The following TBC1D32 variants were observed in gnomAD, a reference collection of about 807,000 sequenced individuals.
TBC1D32 encodes the protein protein broad-minded.
Under a neutral mutation model 170.3 loss-of-function variants are expected in TBC1D32, and 151 were observed. That is an observed-to-expected ratio of 0.89 (90% CI 0.78 to 1.01). The LOEUF (loss-of-function observed/expected upper bound fraction) is 1.01. Among genes scored for constraint, TBC1D32 ranks in the 50% least tolerant of loss-of-function variants. The pLI is 0.00. For missense variants in TBC1D32, 1,464 were observed against 1,457.1 expected (o/e 1.00, Z -0.08); for synonymous variants, 498 against 488.0 (o/e 1.02, Z -0.27).
chr6:121,274,724 G>GA (rs1583516185), intron 15 of TBC1D32, among the ~76,000 whole-genome samples: 1 of 152,030 alleles, frequency 6.6e-6, no homozygotes, highest in East Asian at 1.9e-4. Flanking sequence ...AAAGGAAAAT[G>GA]AAAAATAAGG....
intron 22 of TBC1D32, among the ~76,000 whole-genome samples, chr6:121,188,383 T>C (rs1789490839): frequency 6.6e-6 from 1 of 152,240 alleles, no homozygotes; most frequent in Non-Finnish European, 1.5e-5. Context: ...AAAGGATACA[T>C]AGTCATAACA....
At chr6:121,255,306 G>A (rs781591434) in intron 17 of TBC1D32, 22 bp downstream of exon 17, 1 of 1,392,028 alleles carries the variant, frequency 7.2e-7, no homozygotes, top group East Asian at 2.5e-5. Context: ...ATAAATGCAT[G>A]ACTTTCATCA....
intron 30 of TBC1D32, among the ~76,000 whole-genome samples, chr6:121,092,560 C>T (rs1776935189): frequency 6.6e-6 from 1 of 151,968 alleles, no homozygotes; most frequent in South Asian, 2.1e-4. Flanking sequence ...GCTAGAACCA[C>T]AGGCAGGGGG....
At chr6:121,149,119 A>C (rs1006371094) in intron 24 of TBC1D32, among the ~76,000 whole-genome samples, 1 of 151,772 alleles carries the variant, frequency 6.6e-6, no homozygotes, top group African/African-American at 2.4e-5. Flanking sequence ...TTTTTCTTGT[A>C]AATTTGTTTA....
chr6:121,116,603 G>T (rs888680211), intron 26 of TBC1D32, among the ~76,000 whole-genome samples: 4 of 152,126 alleles, frequency 2.6e-5, no homozygotes, highest in African/African-American at 9.7e-5. Flanking sequence ...TGTGCAGTGG[G>T]TGGAGAAAGG....
At chr6:121,300,264 A>G (rs995199296) in intron 9 of TBC1D32, among the ~76,000 whole-genome samples, 1 of 152,028 alleles carries the variant, frequency 6.6e-6, no homozygotes, top group Non-Finnish European at 1.5e-5. Flanking sequence ...AATGGCCAAT[A>G]TGGTGAAACC....
chr6:121,259,734 T>C (rs536554954), intron 15 of TBC1D32, among the ~76,000 whole-genome samples: 133 of 152,298 alleles, frequency 8.7e-4, no homozygotes, highest in African/African-American at 3.1e-3. Flanking sequence ...ACCTGATTCA[T>C]TTTATAGAAC....
chr6:121,200,258 A>G (rs1791365936), intron 22 of TBC1D32, among the ~76,000 whole-genome samples: 1 of 151,468 alleles, frequency 6.6e-6, no homozygotes, highest in Admixed American at 6.6e-5. Context: ...TTAAATTGTT[A>G]AAACTAAGTA....
At chr6:121,319,536 T>G (rs1321490386) in intron 2 of TBC1D32, among the ~76,000 whole-genome samples, 1 of 152,182 alleles carries the variant, frequency 6.6e-6, no homozygotes, top group Non-Finnish European at 1.5e-5. Flanking sequence ...GGTAAGACTG[T>G]GTGAACAACA....
Position 121,160,110 on chromosome 6 carries a change from A to G in TBC1D32, c.2680-7T>C, listed in dbSNP as rs770218648. The G allele has an allele frequency of 6.4e-7, 1 of 1,556,638 alleles. No homozygotes were observed. Among genetic ancestry groups the G allele is most frequent in the South Asian group, 1.1e-5 (1 of 88,036 alleles). The stretch of plus-strand genomic sequence containing the variant: ...AAGGATATGGATTATCACTCTAAAA[A>G]AGAAGCAAGACAGATGACTTTAGGA... On this transcript the variant is annotated splice_polypyrimidine_tract_variant and splice_region_variant and intron_variant, in intron 23 of 31. Coordinates refer to ENST00000398212, the MANE Select transcript of TBC1D32 (RefSeq NM_152730.6).
chr6:121,203,534 G>T lies in TBC1D32; in HGVS notation c.2570+1541C>A, dbSNP rs1013890055. 2.0e-5 allele frequency among the ~76,000 whole-genome samples: 3 copies of T among 151,340 alleles called. 1 individual carries two copies. The highest frequency in any genetic ancestry group is 7.4e-5 in the African/African-American group (3 of 40,726). On this transcript the variant is annotated intron_variant, in intron 22 of 31. Transcript: ENST00000398212. ...AAGTAGATATAAAGAAAGACATGAA[G>T]AACTGCTATTAGAACTATTAATACT...
At chr6:121,194,446 G>C (rs1025488823) in intron 22 of TBC1D32, among the ~76,000 whole-genome samples, 14 of 152,186 alleles carry the variant, frequency 9.2e-5, no homozygotes, top group African/African-American at 3.4e-4. Context: ...ATGCATAGGT[G>C]GTGATTCCCA....
chr6:121,160,581 T>C (rs1785494262), intron 23 of TBC1D32, among the ~76,000 whole-genome samples: 1 of 151,994 alleles, frequency 6.6e-6, no homozygotes, highest in Non-Finnish European at 1.5e-5. Context: ...GGAGAGGTAC[T>C]CAATGTTTCC....
chr6:121,208,465 G>A lies in TBC1D32; in HGVS notation c.2482-3302C>T, dbSNP rs1421291601. Among the ~76,000 whole-genome samples the A allele has an allele frequency of 2.0e-5, 3 of 151,966 alleles. No individual in the cohort carries two copies. In the East Asian group the frequency reaches 5.8e-4, roughly 30 times the overall value. On this transcript the variant is annotated intron_variant, in intron 21 of 31. Transcript: ENST00000398212. ...GTTGCTATCATGAGAACAGCATGGG[G>A]GAAATCACCCCATAATTCAGTTACC...
Position 121,242,064 on chromosome 6 carries a change from A to G in TBC1D32, c.2157+137T>C, listed in dbSNP as rs193037751. On this transcript the variant is annotated intron_variant, in intron 18 of 31. Transcript: ENST00000398212. ...CTAATGTTTTCCTAAAAAAAAATCA[A>G]GTTGACTATTACAATGCTATATGGT... The G allele has an allele frequency of 1.9e-5, 16 of 837,616 alleles. No homozygotes were observed. The Admixed American group carries it at 5.1e-4, about 27-fold the overall frequency. The allele number at this position is 837,616 out of a possible 1,614,324, so 51.9% of individuals were successfully genotyped here.
chr6:121,144,423 T>A (rs58081323), intron 24 of TBC1D32, among the ~76,000 whole-genome samples: 1 of 151,752 alleles, frequency 6.6e-6, no homozygotes, highest in African/African-American at 2.4e-5. Flanking sequence ...AGTAGATGAG[T>A]GAGAGTGGTT....
chr6:121,082,383 T>C (rs1269512217), intron 31 of TBC1D32, among the ~76,000 whole-genome samples: 1 of 152,080 alleles, frequency 6.6e-6, no homozygotes, highest in Non-Finnish European at 1.5e-5. Flanking sequence ...TTTTAAACAG[T>C]TATTGTTATA....
rs148520884 is a variant in TBC1D32 at position 121,263,557 on chromosome 6, G to C, written c.1734-7272C>G. Among the ~76,000 whole-genome samples, 30 of 152,168 alleles carry C rather than the reference G, an allele frequency of 2.0e-4. No individual in the cohort carries two copies. The East Asian group carries it at 5.8e-3, about 30-fold the overall frequency. On this transcript the variant is annotated intron_variant, in intron 15 of 31. Coordinates refer to ENST00000398212, the MANE Select transcript of TBC1D32 (RefSeq NM_152730.6). ...ATTAACGAGACAGAAAATTAACAAG[G>C]ATACTCAGGACTTGAACTCAGCTCT...
chr6:121,080,639 C>T lies in TBC1D32; in HGVS notation c.*132G>A, dbSNP rs1355533997. ...TGAGCTCATACCTACTTAAATATATCGTTATACTTCTCAGTATTTACAATA... is the reference window on the plus strand; with the variant it reads ...TGAGCTCATACCTACTTAAATATATTGTTATACTTCTCAGTATTTACAATA... On this transcript the variant is annotated 3_prime_UTR_variant, in exon 32 of 32. Transcript: ENST00000398212. The T allele has an allele frequency of 1.7e-6, 2 of 1,166,086 alleles. No individual in the cohort carries two copies. Among genetic ancestry groups the T allele is most frequent in the African/African-American group, 1.6e-5 (1 of 62,504 alleles). 72.2% of individuals were successfully genotyped at this position (1,166,086 alleles called of 1,614,324 possible). A position where few individuals can be genotyped will look rare whatever the true frequency, so the allele number is the denominator to read the frequency against.
Sources: allele counts gnomAD v4.1 joint callset (sites outside exome capture counted in the v4.1 genomes callset), GRCh38; gene constraint gnomAD v4.1.1; transcripts MANE v1.5; gene names NCBI Gene and HGNC (gene_info 2026-07-23, HGNC 2026-07-21).